The following UPP2 variants were observed in gnomAD, a reference collection of about 807,000 sequenced individuals.
UPP2 encodes the protein uridine phosphorylase 2, also known as UPase 2.
In UPP2, 23 loss-of-function variants were observed where a neutral mutation model predicts 26.7. That is an observed-to-expected ratio of 0.86 (90% CI 0.62 to 1.22). The LOEUF (loss-of-function observed/expected upper bound fraction) is 1.22. UPP2 is among the 50% of genes most tolerant of loss of function. The pLI is 0.00. For missense variants in UPP2, 387 were observed against 396.7 expected (o/e 0.98, Z 0.21); for synonymous variants, 127 against 141.3 (o/e 0.90, Z 0.72).
chr2:158,123,634 G>A, intron 5 of UPP2, 115 bp from the exon 6 acceptor site: 2 of 1,234,546 alleles, frequency 1.6e-6, no homozygotes, highest in Non-Finnish European at 2.2e-6. Flanking sequence ...TACACGGGGA[G>A]CACGCTGTAG....
chr2:158,085,160 A>AT (rs1001761767), intron 3 of UPP2, among the ~76,000 whole-genome samples: 2 of 151,510 alleles, frequency 1.3e-5, no homozygotes, highest in African/African-American at 4.9e-5. Flanking sequence ...TTTGTCTATG[A>AT]TTTTTTTCAG....
intron 3 of UPP2, among the ~76,000 whole-genome samples, chr2:158,093,679 C>G (rs34631670): frequency 0.056 from 8,453 of 152,114 alleles, 361 homozygotes; most frequent in East Asian, 0.14. Context: ...TTACAGTCAT[C>G]ACATTAACAA....
intron 3 of UPP2, among the ~76,000 whole-genome samples, chr2:158,058,254 C>G (rs1405020531): frequency 6.9e-6 from 1 of 145,868 alleles, no homozygotes; most frequent in Non-Finnish European, 1.5e-5. Flanking sequence ...GATTGTGCCA[C>G]TGCATGCCAG....
intron 3 of UPP2, among the ~76,000 whole-genome samples, chr2:158,077,593 G>T (rs931138647): frequency 2.6e-5 from 4 of 152,202 alleles, no homozygotes; most frequent in African/African-American, 9.6e-5. Context: ...ATAGGCAGAA[G>T]AATAAAACTA....
At chr2:158,085,704 A>G (rs1558925815) in intron 3 of UPP2, among the ~76,000 whole-genome samples, 1 of 152,056 alleles carries the variant, frequency 6.6e-6, no homozygotes, top group Non-Finnish European at 1.5e-5. Flanking sequence ...GAGGGTTTTA[A>G]TCATAAAGGG....
Position 158,134,818 on chromosome 2 carries a change from G to C in UPP2, c.882G>C (p.Leu294=). 6.2e-7 allele frequency: 1 copy of C among 1,613,628 alleles called. No individual in the cohort carries two copies. Among genetic ancestry groups the C allele is most frequent in the East Asian group, 2.2e-5 (1 of 44,844 alleles). ...AGATCAACTTGCCTCATGATGTCCT[G>C]GTGGAGTACCAGCAACGGCCTCAGC... ...CDQINLPHDV[L]VEYQQRPQLL... is the part of the protein sequence containing the mutation. The change falls in exon 7 of 7, where the codon CTG becomes CTC. Residue 294 remains leucine (L), a synonymous_variant. Coordinates refer to ENST00000005756, the MANE Select transcript of UPP2 (RefSeq NM_173355.4).
At chr2:158,102,190 A>G (rs1683090651) in intron 1 of UPP2, 65 bp downstream of exon 1, 1 of 1,572,770 alleles carries the variant, frequency 6.4e-7, no homozygotes, top group Non-Finnish European at 8.6e-7. Flanking sequence ...TTTGTATTAA[A>G]TGATTAGATA....
chr2:158,015,727 G>A, intron 2 of UPP2: 9 of 446,254 alleles, frequency 2.0e-5, no homozygotes, highest in South Asian at 6.4e-5. Flanking sequence ...GCTCTCACAA[G>A]ATTTGGTTGT....
Position 158,051,157 on chromosome 2 carries a change from A to ATGTGTGTGTGTGTG in UPP2, c.147+35299_147+35312dup, listed in dbSNP as rs57745839. On this transcript the variant is annotated intron_variant, in intron 3 of 9. Transcript: ENST00000605860. ...AATCATTGAGGGTCACTCTAGGAAT[A>ATGTGTGTGTGTGTG]TGTGTGTGTGTGTGTGTGTGTGTGT... Among the ~76,000 whole-genome samples, 219 of 145,058 alleles carry ATGTGTGTGTGTGTG rather than the reference A, an allele frequency of 1.5e-3. 2 individuals are homozygous for ATGTGTGTGTGTGTG. The highest frequency in any genetic ancestry group is 0.012 in the South Asian group (55 of 4,456).
chr2:158,061,344 T>C (rs1285742717), intron 3 of UPP2, among the ~76,000 whole-genome samples: 1 of 152,162 alleles, frequency 6.6e-6, no homozygotes, highest in Non-Finnish European at 1.5e-5. Flanking sequence ...CCTTAGTGTA[T>C]ATCTTCAGTC....
chr2:158,109,328 T>G lies in UPP2; in HGVS notation c.180+3112T>G, dbSNP rs73966254. 3.8e-3 allele frequency among the ~76,000 whole-genome samples: 578 copies of G among 152,232 alleles called. 2 individuals carry two copies. Among genetic ancestry groups the G allele is most frequent in the African/African-American group, 0.013 (540 of 41,546 alleles). On this transcript the variant is annotated intron_variant, in intron 2 of 6. Transcript: ENST00000005756. ...TTCATATTCTTACCATATTTAAAAA[T>G]TTTTGCTACTTGCTACTGCAAAATC...
intron 3 of UPP2, among the ~76,000 whole-genome samples, chr2:158,043,678 G>A (rs776854070): frequency 1.3e-5 from 2 of 152,202 alleles, no homozygotes; most frequent in African/African-American, 2.4e-5. Flanking sequence ...GCTTGCTTAG[G>A]AGGATGCAGA....
intron 3 of UPP2, among the ~76,000 whole-genome samples, chr2:158,016,949 T>A (rs1412392018): frequency 2.6e-5 from 4 of 152,216 alleles, no homozygotes. Flanking sequence ...CTTTTTAGCA[T>A]GCAGCATCTT....
In UPP2 at chr2:158,136,051, G is replaced by C. The variant is rs3732279; in HGVS notation, c.*1161G>C. ...AGGAAATAGGTCCTAGGCCGGTTGA[G>C]TCTGAATTGGCCTGCTCCTGGGTGG... On this transcript the variant is annotated 3_prime_UTR_variant, in exon 7 of 7. Coordinates refer to ENST00000005756, the MANE Select transcript of UPP2 (RefSeq NM_173355.4). The C allele has an allele frequency of 0.093, 14,218 of 152,268 alleles. 967 individuals are homozygous for C. The highest frequency in any genetic ancestry group is 0.25 in the East Asian group (1,295 of 5,162). The allele number at this position is 152,268 out of a possible 1,614,324, so 9.4% of individuals were successfully genotyped here. A position where few individuals can be genotyped will look rare whatever the true frequency, so the allele number is the denominator to read the frequency against.
At chr2:158,083,256 C>T (rs147617116) in intron 3 of UPP2, among the ~76,000 whole-genome samples, 2,399 of 152,132 alleles carry the variant, frequency 0.016, 74 homozygotes, top group African/African-American at 0.054. Context: ...CACATGCACA[C>T]GTATGTTTAT....
At chr2:158,083,867 T>TTATATA (rs200105900) in intron 3 of UPP2, among the ~76,000 whole-genome samples, 1 of 145,878 alleles carries the variant, frequency 6.9e-6, no homozygotes, top group Non-Finnish European at 1.5e-5. Flanking sequence ...TATATGTTTT[T>TTATATA]TATATATATA....
chr2:158,059,806 A>C (rs1682325043), intron 3 of UPP2, among the ~76,000 whole-genome samples: 1 of 151,876 alleles, frequency 6.6e-6, no homozygotes, highest in South Asian at 2.1e-4. Flanking sequence ...CTCATACCCT[A>C]GCTGTTCATG....
intron 2 of UPP2, among the ~76,000 whole-genome samples, chr2:158,012,552 G>C (rs897859101): frequency 6.6e-6 from 1 of 152,018 alleles, no homozygotes; most frequent in African/African-American, 2.4e-5. Context: ...ACAGGTGTGA[G>C]CCACCGTGCC....
upstream of UPP2, chr2:158,101,740 A>T: frequency 1.6e-6 from 1 of 633,270 alleles, no homozygotes; most frequent in Non-Finnish European, 2.1e-6. Context: ...TCTCACCAAT[A>T]GTTAACAAGC....
Sources: allele counts gnomAD v4.1 joint callset (sites outside exome capture counted in the v4.1 genomes callset), GRCh38; gene constraint gnomAD v4.1.1; transcripts MANE v1.5; gene names NCBI Gene and HGNC (gene_info 2026-07-23, HGNC 2026-07-21).